The following STK39 variants were observed in gnomAD, a reference collection of about 807,000 sequenced individuals.
The protein encoded by STK39 is serine/threonine kinase 39.
STK39 carries 20 observed loss-of-function variants against 77.8 expected under a neutral mutation model. That is an observed-to-expected ratio of 0.26 (90% confidence interval 0.18 to 0.37). The LOEUF is 0.37. STK39 is among the 10% of genes least tolerant of loss of function. STK39 has a pLI of 1.00. For synonymous variants in STK39, 246 were observed against 234.1 expected, an observed-to-expected ratio of 1.05 and a Z score of -0.47; for missense variants, 479 against 656.5, an observed-to-expected ratio of 0.73 and a Z score of 2.95.
At chr2:168,113,380 G>A (rs1687170730) in intron 10 of STK39, among the ~76,000 whole-genome samples, 2 of 152,148 alleles carry the variant, frequency 1.3e-5, no homozygotes, top group South Asian at 4.1e-4. Context: ...AAATATTGCA[G>A]CTCTGTTTCA....
At chr2:168,143,372 G>A (rs1427600462) in intron 5 of STK39, among the ~76,000 whole-genome samples, 1 of 152,090 alleles carries the variant, frequency 6.6e-6, no homozygotes, top group Non-Finnish European at 1.5e-5. Context: ...CCCAGATCCA[G>A]GCTCCAGCAA....
chr2:168,221,803 G>A (rs779170150), intron 1 of STK39, among the ~76,000 whole-genome samples: 6 of 151,880 alleles, frequency 4.0e-5, no homozygotes, highest in African/African-American at 1.5e-4. Context: ...TCACCGGGGC[G>A]CAACAAAGAC....
chr2:168,201,719 C>T (rs1045798802), intron 1 of STK39, among the ~76,000 whole-genome samples: 1 of 152,126 alleles, frequency 6.6e-6, no homozygotes. Flanking sequence ...GTTCCCAAAC[C>T]CTTCCAAGAC....
intron 16 of STK39, among the ~76,000 whole-genome samples, chr2:167,997,994 A>T (rs1683891708): frequency 6.6e-6 from 1 of 152,244 alleles, no homozygotes; most frequent in Non-Finnish European, 1.5e-5. Flanking sequence ...ACAGTGCTGT[A>T]TAATAATTTC....
chr2:168,175,012 G>A (rs768932492), intron 2 of STK39, among the ~76,000 whole-genome samples: 4 of 151,938 alleles, frequency 2.6e-5, no homozygotes, highest in African/African-American at 7.3e-5. Context: ...TTGTGGTATC[G>A]CCTGTGGCAC....
At chr2:168,131,431 A>G (rs1220037825) in intron 8 of STK39, among the ~76,000 whole-genome samples, 1 of 152,186 alleles carries the variant, frequency 6.6e-6, no homozygotes, top group Non-Finnish European at 1.5e-5. Context: ...GCTTGACAAA[A>G]TTGGAAACTG....
intron 14 of STK39, among the ~76,000 whole-genome samples, chr2:168,025,981 C>T (rs1012820905): frequency 4.6e-5 from 7 of 152,204 alleles, no homozygotes; most frequent in South Asian, 2.1e-4. Context: ...CTCCAACATT[C>T]GGTTTCCTCT....
At chr2:168,153,484 G>C (rs1688343410) in intron 5 of STK39, among the ~76,000 whole-genome samples, 1 of 152,148 alleles carries the variant, frequency 6.6e-6, no homozygotes, top group African/African-American at 2.4e-5. Context: ...CGATTCAGAA[G>C]GTCTAGGGTA....
At chr2:168,113,010 A>G (rs1358932336) in intron 10 of STK39, 1 of 152,174 alleles carries the variant, frequency 6.6e-6, no homozygotes, top group Non-Finnish European at 1.5e-5. Flanking sequence ...TTATGATTGC[A>G]GTTCCAGTCT....
At chr2:167,976,331 C>CG (rs1683275387) in intron 16 of STK39, among the ~76,000 whole-genome samples, 3 of 152,176 alleles carry the variant, frequency 2.0e-5, no homozygotes, top group Admixed American at 6.5e-5. Flanking sequence ...ATCTAGTCAA[C>CG]CCCTCCTCTT....
intron 5 of STK39, among the ~76,000 whole-genome samples, chr2:168,145,560 C>T (rs1688114439): frequency 6.6e-6 from 1 of 152,154 alleles, no homozygotes; most frequent in Admixed American, 6.6e-5. Flanking sequence ...CCCTTTCTTA[C>T]TGTAGTTGGC....
chr2:168,247,519 T>C lies in STK39; in HGVS notation c.-84A>G. On this transcript the variant is annotated 5_prime_UTR_variant, in exon 1 of 18. Coordinates refer to ENST00000355999, the MANE Select transcript of STK39 (RefSeq NM_013233.3). The stretch of plus-strand genomic sequence containing the variant: ...CTTCCTTTGCCTCGCCGCCGACACC[T>C]CTCGGCCGGCGCACGCCCTCCCCGC... 3 of 900,318 alleles carry C rather than the reference T, an allele frequency of 3.3e-6. No homozygotes were observed. Among genetic ancestry groups the C allele is most frequent in the South Asian group, 2.9e-5 (1 of 34,592 alleles). The allele number at this position is 900,318 out of a possible 1,614,324, so 55.8% of individuals were successfully genotyped here. A position where few individuals can be genotyped will look rare whatever the true frequency, so the allele number is the denominator to read the frequency against.
In STK39 at chr2:168,218,640, A is replaced by G. The variant is rs1269229175; in HGVS notation, c.208+28588T>C. Among the ~76,000 whole-genome samples the G allele has an allele frequency of 2.0e-5, 3 of 152,228 alleles. No homozygotes were observed. The East Asian group carries it at 5.8e-4, about 29-fold the overall frequency. ...AGAGACAAAATCGAAACAGTGTCACATCTTTCCAAAAGTAATTCCAGCCAT... is the reference window on the plus strand; with the variant it reads ...AGAGACAAAATCGAAACAGTGTCACGTCTTTCCAAAAGTAATTCCAGCCAT... On this transcript the variant is annotated intron_variant, in intron 1 of 17. Coordinates refer to ENST00000355999, the MANE Select transcript of STK39 (RefSeq NM_013233.3).
intron 16 of STK39, among the ~76,000 whole-genome samples, chr2:167,979,516 T>C (rs1393289677): frequency 2.0e-5 from 3 of 152,248 alleles, no homozygotes; most frequent in South Asian, 2.1e-4. Flanking sequence ...AATACAAGTA[T>C]GGTTTTGCTG....
intron 12 of STK39, among the ~76,000 whole-genome samples, chr2:168,068,110 G>A (rs1372632705): frequency 6.6e-6 from 1 of 152,186 alleles, no homozygotes; most frequent in Non-Finnish European, 1.5e-5. Context: ...CTGCTGCTAT[G>A]ATTCAATTAC....
At chr2:168,210,695 T>G (rs996038346) in intron 1 of STK39, among the ~76,000 whole-genome samples, 2 of 152,140 alleles carry the variant, frequency 1.3e-5, no homozygotes, top group Non-Finnish European at 2.9e-5. Context: ...AATTTTTATA[T>G]TTTTAGTACA....
chr2:168,098,300 C>G (rs956206888), intron 10 of STK39, among the ~76,000 whole-genome samples: 4 of 152,130 alleles, frequency 2.6e-5, no homozygotes, highest in African/African-American at 9.7e-5. Context: ...AAGGTCAGCA[C>G]AATCATTTTA....
chr2:168,111,513 T>C (rs1687119406), intron 10 of STK39, among the ~76,000 whole-genome samples: 1 of 152,196 alleles, frequency 6.6e-6, no homozygotes, highest in South Asian at 2.1e-4. Flanking sequence ...CTCAGATACC[T>C]GCTGTCAGTC....
At chr2:168,163,256 C>T (rs940354373) in intron 4 of STK39, among the ~76,000 whole-genome samples, 1 of 152,116 alleles carries the variant, frequency 6.6e-6, no homozygotes, top group Non-Finnish European at 1.5e-5. Context: ...CCTCTTCCTT[C>T]CCTCTCACCA....
Sources: gnomAD v4.1 joint callset for allele counts (sites outside exome capture counted in the v4.1 genomes callset) on GRCh38, gnomAD v4.1.1 for gene constraint, MANE v1.5 for transcripts, NCBI Gene and HGNC (gene_info 2026-07-23, HGNC 2026-07-21) for gene names.